OTUD7A: variants seen among roughly 807,000 people sequenced by gnomAD.
The protein encoded by OTUD7A is OTU deubiquitinase 7A.
Under a neutral mutation model 65.7 loss-of-function variants are expected in OTUD7A, and 12 were observed. The ratio of observed to expected loss-of-function variants is 0.18; its 90% CI spans 0.12 to 0.30. The LOEUF (loss-of-function observed/expected upper bound fraction) is 0.30, where lower values mean the gene tolerates loss of function less well. Among genes scored for constraint, OTUD7A ranks in the 10% least tolerant of loss-of-function variants. The pLI is 1.00. For missense variants in OTUD7A, 1,148 were observed against 1,304.8 expected (o/e 0.88, Z 1.85); for synonymous variants, 641 against 586.3 (o/e 1.09, Z -1.35).
At chr15:31,848,776 G>A (rs565884408) in intron 1 of OTUD7A, among the ~76,000 whole-genome samples, 1 of 152,338 alleles carries the variant, frequency 6.6e-6, no homozygotes, top group African/African-American at 2.4e-5. Flanking sequence ...AGAGTTCCTG[G>A]AGGGGCCCAC....
chr15:31,627,451 T>C (rs576250322), intron 3 of OTUD7A, among the ~76,000 whole-genome samples: 1 of 152,238 alleles, frequency 6.6e-6, no homozygotes, highest in Admixed American at 6.5e-5. Flanking sequence ...TAGTATTCCA[T>C]GGTGTATATG....
At chr15:31,765,497 C>T (rs1895073206) in intron 1 of OTUD7A, among the ~76,000 whole-genome samples, 1 of 152,118 alleles carries the variant, frequency 6.6e-6, no homozygotes, top group African/African-American at 2.4e-5. Context: ...AATTTTAGCA[C>T]ACATCATGAT....
At chr15:31,808,098 A>AGC (rs796547270) in intron 1 of OTUD7A, among the ~76,000 whole-genome samples, 1 of 95,800 alleles carries the variant, frequency 1.0e-5, no homozygotes. Context: ...ACAAATGCCA[A>AGC]ACACACACAC....
At chr15:31,490,153 T>C (rs2041298443) in intron 10 of OTUD7A, among the ~76,000 whole-genome samples, 1 of 152,198 alleles carries the variant, frequency 6.6e-6, no homozygotes, top group East Asian at 1.9e-4. Flanking sequence ...GCTTCTCAAC[T>C]GTACACCCTG....
Position 31,478,329 on chromosome 15 carries a change from T to A in OTUD7A, c.*4965A>T, listed in dbSNP as rs967040323. 1.3e-5 allele frequency: 2 copies of A among 150,674 alleles called. No individual in the cohort carries two copies. Among genetic ancestry groups the A allele is most frequent in the Non-Finnish European group, 3.0e-5 (2 of 67,502 alleles). The allele number at this position is 150,674 out of a possible 1,614,324, so 9.3% of individuals were successfully genotyped here. On this transcript the variant is annotated 3_prime_UTR_variant, in exon 13 of 13. Transcript: ENST00000307050. Reference sequence around the variant, plus strand: ...AAACCAAATGGTACTCTTCGCCTTATGTTAAACTAACAAATTATGTATATA... The same window carrying A: ...AAACCAAATGGTACTCTTCGCCTTAAGTTAAACTAACAAATTATGTATATA...
chr15:31,526,755 C>T (rs192317830), intron 7 of OTUD7A, among the ~76,000 whole-genome samples: 9 of 152,264 alleles, frequency 5.9e-5, no homozygotes, highest in South Asian at 2.1e-4. Context: ...TGGGGCTGGC[C>T]GTTCAGATTC....
intron 1 of OTUD7A, among the ~76,000 whole-genome samples, chr15:31,829,299 C>T (rs147798352): frequency 2.0e-5 from 3 of 152,326 alleles, no homozygotes; most frequent in African/African-American, 7.2e-5. Flanking sequence ...CGTGGCCTGG[C>T]ACCATCAACA....
chr15:31,610,617 A>ATATTTTTTTT lies in OTUD7A; in HGVS notation c.152-40421_152-40420insAAAAAAAATA. Among the ~76,000 whole-genome samples the ATATTTTTTTT allele has an allele frequency of 1.1e-3, 33 of 30,566 alleles. 2 individuals are homozygous for ATATTTTTTTT. Among genetic ancestry groups the ATATTTTTTTT allele is most frequent in the African/African-American group, 4.1e-3 (24 of 5,866 alleles). The allele number at this position is 30,566 out of a possible 152,430, so 20.1% of individuals were successfully genotyped here. On this transcript the variant is annotated intron_variant, in intron 3 of 12. Coordinates refer to ENST00000307050, the MANE Select transcript of OTUD7A (RefSeq NM_001382637.1). Reference sequence around the variant, plus strand: ...ATTATATATATATATATATATATATATTTTTTTTTTTTTTTTTTTTTTGAG... The same window carrying ATATTTTTTTT: ...ATTATATATATATATATATATATATATATTTTTTTTTTTTTTTTTTTTTTTTTTTTTTGAG...
intron 2 of OTUD7A, among the ~76,000 whole-genome samples, chr15:31,655,803 T>G (rs1263700114): frequency 1.3e-5 from 2 of 152,224 alleles, no homozygotes; most frequent in African/African-American, 4.8e-5. Context: ...AAAGACTATT[T>G]TAAAATTTCA....
Position 31,498,053 on chromosome 15 carries a change from C to T in OTUD7A, c.1171+3637G>A, listed in dbSNP as rs1050184115. On this transcript the variant is annotated intron_variant, in intron 10 of 12. Coordinates refer to ENST00000307050, the MANE Select transcript of OTUD7A (RefSeq NM_001382637.1). The surrounding 1 kb of genome is among the most constrained non-coding windows in gnomAD (Gnocchi z 4.2). The stretch of plus-strand genomic sequence containing the variant: ...CATGTACACATGGGTATGCTCTGCA[C>T]GGCTCTATATCCACCCAAAGGGAAG... Among the ~76,000 whole-genome samples the T allele has an allele frequency of 2.6e-5, 4 of 152,196 alleles. No individual in the cohort carries two copies. Among genetic ancestry groups the T allele is most frequent in the Non-Finnish European group, 4.4e-5 (3 of 68,046 alleles).
chr15:31,779,920 T>C (rs1895492686), intron 1 of OTUD7A, among the ~76,000 whole-genome samples: 1 of 152,142 alleles, frequency 6.6e-6, no homozygotes. Context: ...TCACACACTC[T>C]GACTGCTTCT....
chr15:31,729,388 A>G (rs1170524110), intron 1 of OTUD7A, among the ~76,000 whole-genome samples: 2 of 152,224 alleles, frequency 1.3e-5, no homozygotes, highest in Non-Finnish European at 1.5e-5. Context: ...GTCATGACAA[A>G]GAAGAAATAA....
intron 1 of OTUD7A, among the ~76,000 whole-genome samples, chr15:31,828,139 A>C (rs1896843588): frequency 6.6e-6 from 1 of 150,810 alleles, no homozygotes; most frequent in African/African-American, 2.4e-5. Context: ...CCTCCATCTC[A>C]CTCGCTCCTC....
At chr15:31,721,239 T>C (rs1217741320) in intron 1 of OTUD7A, among the ~76,000 whole-genome samples, 2 of 152,282 alleles carry the variant, frequency 1.3e-5, no homozygotes, top group African/African-American at 4.8e-5. Context: ...ATACGCAGTG[T>C]GTGTGTACAT....
chr15:31,801,308 T>C (rs936706590), intron 1 of OTUD7A, among the ~76,000 whole-genome samples: 1 of 152,234 alleles, frequency 6.6e-6, no homozygotes, highest in Non-Finnish European at 1.5e-5. Flanking sequence ...TGGCCTGGCC[T>C]GGGGTCTAGC....
At chr15:31,495,495 T>G (rs543646613) in intron 10 of OTUD7A, among the ~76,000 whole-genome samples, 1 of 152,270 alleles carries the variant, frequency 6.6e-6, no homozygotes, top group South Asian at 2.1e-4. Flanking sequence ...AAAGTCTGGA[T>G]GCCCCCAACC....
At chr15:31,624,698 C>G (rs1890898725) in intron 3 of OTUD7A, among the ~76,000 whole-genome samples, 1 of 152,114 alleles carries the variant, frequency 6.6e-6, no homozygotes, top group African/African-American at 2.4e-5. Flanking sequence ...ACTGCAGAAA[C>G]TAAGGCTTGG....
chr15:31,625,110 A>G (rs909501556), intron 3 of OTUD7A, among the ~76,000 whole-genome samples: 7 of 152,202 alleles, frequency 4.6e-5, no homozygotes, highest in African/African-American at 7.2e-5. Flanking sequence ...AAGGTTGCCC[A>G]GGCAGCCAGG....
rs1052910513 is a variant in OTUD7A, at chr15:31,498,052, A to G, written c.1171+3638T>C. Among the ~76,000 whole-genome samples, 2 of 152,214 alleles carry G rather than the reference A, an allele frequency of 1.3e-5. No homozygotes were observed. Among genetic ancestry groups the G allele is most frequent in the African/African-American group, 4.8e-5 (2 of 41,444 alleles). On this transcript the variant is annotated intron_variant, in intron 10 of 12. Transcript: ENST00000307050. The surrounding 1 kb of genome is among the most constrained non-coding windows in gnomAD (Gnocchi z 4.2). ...ACATGTACACATGGGTATGCTCTGC[A>G]CGGCTCTATATCCACCCAAAGGGAA...
Sources: gnomAD v4.1 joint callset for allele counts (sites outside exome capture counted in the v4.1 genomes callset) on GRCh38, gnomAD v4.1.1 for gene constraint, Gnocchi (gnomAD v3.1) non-coding constraint, MANE v1.5 for transcripts, NCBI Gene and HGNC (gene_info 2026-07-23, HGNC 2026-07-21) for gene names.